The following RGS6 variants were observed in gnomAD, a reference collection of about 807,000 sequenced individuals.
RGS6 encodes the protein regulator of G-protein signaling 6.
Under a neutral mutation model 78.5 loss-of-function variants are expected in RGS6, and 30 were observed. That is an observed-to-expected ratio of 0.38 (90% CI 0.29 to 0.52). The LOEUF (loss-of-function observed/expected upper bound fraction) is 0.52. RGS6 is among the 20% of genes least tolerant of loss of function. RGS6 has a pLI of 0.85. For missense variants in RGS6, 495 were observed against 609.7 expected, an observed-to-expected ratio of 0.81 and a Z score of 1.98; for synonymous variants, 206 against 206.0, an observed-to-expected ratio of 1.00 and a Z score of 0.00.
intron 2 of RGS6, among the ~76,000 whole-genome samples, chr14:72,294,059 C>G (rs2064186639): frequency 1.3e-5 from 2 of 152,180 alleles, no homozygotes; most frequent in Non-Finnish European, 2.9e-5. Context: ...GAAATACAAC[C>G]CATGCTCTGC....
intron 2 of RGS6, among the ~76,000 whole-genome samples, chr14:72,185,493 A>G (rs1024583760): frequency 3.3e-5 from 5 of 152,352 alleles, no homozygotes; most frequent in Admixed American, 6.5e-5. Flanking sequence ...CCTCTCAATA[A>G]CAAATTTATT....
intron 2 of RGS6, chr14:71,990,797 A>G: frequency 4.4e-6 from 2 of 456,036 alleles, no homozygotes; most frequent in Non-Finnish European, 4.4e-6. Context: ...CCAAAAAGAC[A>G]TCTCTGTTTG....
intron 3 of RGS6, among the ~76,000 whole-genome samples, chr14:72,390,072 G>A (rs1381086036): frequency 2.1e-5 from 3 of 142,426 alleles, no homozygotes; most frequent in African/African-American, 7.8e-5. Flanking sequence ...AAACAGAAAA[G>A]TATAAAGAGC....
At chr14:72,316,327 G>GCTGCA (rs1462239677) in intron 2 of RGS6, among the ~76,000 whole-genome samples, 1 of 152,048 alleles carries the variant, frequency 6.6e-6, no homozygotes. Flanking sequence ...ATGTTGGTTT[G>GCTGCA]CTGCACCCAT....
At chr14:71,992,445 A>G (rs759331628) in intron 2 of RGS6, among the ~76,000 whole-genome samples, 1 of 152,174 alleles carries the variant, frequency 6.6e-6, no homozygotes, top group Admixed American at 6.5e-5. Flanking sequence ...CGCTTGCAAC[A>G]TTGCTTCGTT....
chr14:71,920,857 G>A, the RGS6 span, among the ~76,000 whole-genome samples: 1 of 152,184 alleles, frequency 6.6e-6, no homozygotes, highest in Non-Finnish European at 1.5e-5. Context: ...ATAGACAAAT[G>A]GGATTGCCTC....
At chr14:72,317,146 T>A (rs2070513664) in intron 2 of RGS6, among the ~76,000 whole-genome samples, 1 of 152,082 alleles carries the variant, frequency 6.6e-6, no homozygotes, top group South Asian at 2.1e-4. Flanking sequence ...TTTCCTCATA[T>A]ATGATTGAGG....
At chr14:72,134,529 G>A (rs2096397490) in intron 2 of RGS6, among the ~76,000 whole-genome samples, 1 of 152,220 alleles carries the variant, frequency 6.6e-6, no homozygotes, top group Non-Finnish European at 1.5e-5. Flanking sequence ...CACAAAAATG[G>A]AGGCAGGCAT....
At chr14:72,597,036 C>T in the RGS6 span, among the ~76,000 whole-genome samples, 6 of 152,200 alleles carry the variant, frequency 3.9e-5, no homozygotes, top group East Asian at 1.9e-4. Context: ...GTCAGGAGTT[C>T]GAGACCAGCC....
At chr14:72,061,728 A>C (rs2093907282) in intron 2 of RGS6, among the ~76,000 whole-genome samples, 1 of 152,240 alleles carries the variant, frequency 6.6e-6, no homozygotes, top group African/African-American at 2.4e-5. Context: ...AAAAATCTGC[A>C]TGGGAAATGG....
chr14:72,558,503 G>C (rs555438758), intron 17 of RGS6, among the ~76,000 whole-genome samples: 31 of 152,290 alleles, frequency 2.0e-4, no homozygotes, highest in Non-Finnish European at 3.1e-4. Context: ...ATGTGGAAGT[G>C]CAATGCACAG....
intron 2 of RGS6, among the ~76,000 whole-genome samples, chr14:72,057,464 C>G (rs1441425331): frequency 6.6e-6 from 1 of 152,000 alleles, no homozygotes; most frequent in African/African-American, 2.4e-5. Flanking sequence ...TCTTACTCTT[C>G]CCATCTGGGT....
At chr14:72,598,975 G>T in the RGS6 span, among the ~76,000 whole-genome samples, 49 of 151,672 alleles carry the variant, frequency 3.2e-4, no homozygotes, top group African/African-American at 1.1e-3. Flanking sequence ...TTTGGTCTGG[G>T]CATTGGGAGA....
chr14:71,976,405 TC>T (rs1411395498), intron 2 of RGS6, among the ~76,000 whole-genome samples: 1 of 118,434 alleles, frequency 8.4e-6, no homozygotes, highest in African/African-American at 3.4e-5. Flanking sequence ...ATGCTATCCC[TC>T]CCCCCTCCCC....
intron 2 of RGS6, among the ~76,000 whole-genome samples, chr14:72,018,861 C>A (rs1013110147): frequency 1.3e-5 from 2 of 152,164 alleles, no homozygotes; most frequent in Non-Finnish European, 2.9e-5. Flanking sequence ...TTGTTTCTGG[C>A]ACCTGGTAAT....
At chr14:72,231,124 G>A (rs559547276) in intron 2 of RGS6, among the ~76,000 whole-genome samples, 2 of 152,276 alleles carry the variant, frequency 1.3e-5, no homozygotes, top group South Asian at 2.1e-4. Context: ...CGTTGCTGTC[G>A]AGAGAATGGT....
intron 2 of RGS6, among the ~76,000 whole-genome samples, chr14:72,177,361 G>A (rs190485522): frequency 6.4e-4 from 98 of 152,208 alleles, no homozygotes; most frequent in African/African-American, 2.2e-3. Flanking sequence ...CTTTGAGCAG[G>A]GAGGCTGAAA....
At chr14:72,600,203 G>C in the RGS6 span, among the ~76,000 whole-genome samples, 1 of 152,088 alleles carries the variant, frequency 6.6e-6, no homozygotes, top group East Asian at 1.9e-4. Context: ...ATGGACCCTG[G>C]GAAAGTACAC....
chr14:72,189,107 T>A (rs1184589975), intron 2 of RGS6, among the ~76,000 whole-genome samples: 6 of 152,144 alleles, frequency 3.9e-5, no homozygotes, highest in African/African-American at 1.4e-4. Flanking sequence ...CCATATGATC[T>A]CCATTGCAGC....
Sources: allele counts gnomAD v4.1 joint callset (sites outside exome capture counted in the v4.1 genomes callset), GRCh38; gene constraint gnomAD v4.1.1; transcripts MANE v1.5; gene names NCBI Gene and HGNC (gene_info 2026-07-23, HGNC 2026-07-21).